The following TSHZ2 variants were observed in gnomAD, a reference collection of about 807,000 sequenced individuals.
TSHZ2 encodes teashirt homolog 2.
In TSHZ2, 21 loss-of-function variants were observed where a neutral mutation model predicts 74.4. That is an observed-to-expected ratio of 0.28 (90% CI 0.20 to 0.41). The LOEUF (loss-of-function observed/expected upper bound fraction) is 0.41, where lower values mean the gene tolerates loss of function less well. Among genes scored for constraint, TSHZ2 ranks in the 10% least tolerant of loss-of-function variants. The probability of loss-of-function intolerance (pLI) is 1.00; values close to 1 mark genes in which losing one functional copy is unlikely to be tolerated. For missense variants in TSHZ2, 1,244 were observed against 1,293.5 expected, an observed-to-expected ratio of 0.96 and a Z score of 0.59; for synonymous variants, 540 against 515.3, an observed-to-expected ratio of 1.05 and a Z score of -0.65.
At chr20:53,269,983 G>A (rs781391331) in intron 2 of TSHZ2, among the ~76,000 whole-genome samples, 1 of 152,054 alleles carries the variant, frequency 6.6e-6, no homozygotes, top group Non-Finnish European at 1.5e-5. Flanking sequence ...GAGGTAGATG[G>A]AGACCCTACC....
At chr20:53,052,412 G>A (rs909478702) in intron 1 of TSHZ2, among the ~76,000 whole-genome samples, 3 of 152,188 alleles carry the variant, frequency 2.0e-5, no homozygotes, top group East Asian at 1.9e-4. Flanking sequence ...TGAACTGTGC[G>A]TGTGAGGGAT....
intron 2 of TSHZ2, among the ~76,000 whole-genome samples, chr20:53,435,531 T>C (rs952875542): frequency 1.3e-5 from 2 of 152,228 alleles, no homozygotes; most frequent in Non-Finnish European, 2.9e-5. Context: ...TTATTTATTT[T>C]GAGACAGAGT....
At chr20:53,086,662 A>G (rs1301455512) in intron 1 of TSHZ2, among the ~76,000 whole-genome samples, 1 of 152,134 alleles carries the variant, frequency 6.6e-6, no homozygotes, top group African/African-American at 2.4e-5. Flanking sequence ...CATCCTAACA[A>G]TTATTTATAG....
intron 2 of TSHZ2, among the ~76,000 whole-genome samples, chr20:53,358,913 C>G (rs952071550): frequency 6.6e-6 from 1 of 151,886 alleles, no homozygotes; most frequent in Non-Finnish European, 1.5e-5. Flanking sequence ...TTTTAAAAAC[C>G]AAAAATCCTT....
intron 1 of TSHZ2, among the ~76,000 whole-genome samples, chr20:53,002,164 C>G (rs1288551446): frequency 1.3e-5 from 2 of 152,020 alleles, no homozygotes; most frequent in African/African-American, 2.4e-5. Flanking sequence ...TAATTCTCAC[C>G]CCAGTAAAGA....
chr20:53,493,361 C>G lies in TSHZ2; in HGVS notation c.*6226C>G, dbSNP rs1326005092. On this transcript the variant is annotated 3_prime_UTR_variant, in exon 3 of 3. Coordinates refer to ENST00000371497, the MANE Select transcript of TSHZ2 (RefSeq NM_173485.6). ...ATTGCTGGATCTAGGGAGGAACCAACTTCCTAATTCAGAGTTTTCCTTTTA... is the reference window on the plus strand; with the variant it reads ...ATTGCTGGATCTAGGGAGGAACCAAGTTCCTAATTCAGAGTTTTCCTTTTA... 1 of 152,234 alleles carries G rather than the reference C, an allele frequency of 6.6e-6. No homozygotes were observed. The highest frequency in any genetic ancestry group is 2.4e-5 in the African/African-American group (1 of 41,460). 9.4% of individuals were successfully genotyped at this position (152,234 alleles called of 1,614,324 possible).
intron 1 of TSHZ2, among the ~76,000 whole-genome samples, chr20:52,990,181 G>A (rs1332067901): frequency 6.6e-6 from 1 of 151,928 alleles, no homozygotes; most frequent in Admixed American, 6.6e-5. Flanking sequence ...TTTACTGGAT[G>A]TAGTAAGAAA....
intron 1 of TSHZ2, among the ~76,000 whole-genome samples, chr20:53,144,421 A>C (rs1987487429): frequency 6.6e-6 from 1 of 152,244 alleles, no homozygotes; most frequent in Admixed American, 6.5e-5. Context: ...GTTACAAGCA[A>C]GATGGAGTCA....
intron 1 of TSHZ2, among the ~76,000 whole-genome samples, chr20:53,192,578 A>G (rs202030609): frequency 6.7e-6 from 1 of 150,358 alleles, no homozygotes; most frequent in Non-Finnish European, 1.5e-5. Flanking sequence ...AAAAAAAAAA[A>G]CCCACAACAA....
At chr20:53,431,648 C>T (rs1390638658) in intron 2 of TSHZ2, among the ~76,000 whole-genome samples, 1 of 152,024 alleles carries the variant, frequency 6.6e-6, no homozygotes, top group East Asian at 1.9e-4. Context: ...TTATTATTCC[C>T]ATTTATAAAA....
rs537272798 is a variant in TSHZ2 at position 53,409,908 on chromosome 20, G to A, written c.*9-77236G>A. The stretch of plus-strand genomic sequence containing the variant: ...GTCGCCCAGACTGGAGTGCAGTGGC[G>A]CTATCTCGGCTCACTGCAAACTCTG... On this transcript the variant is annotated intron_variant, in intron 2 of 2. Coordinates refer to ENST00000371497, the MANE Select transcript of TSHZ2 (RefSeq NM_173485.6). Among the ~76,000 whole-genome samples, 15 of 124,438 alleles carry A rather than the reference G, an allele frequency of 1.2e-4. No homozygotes were observed. In the South Asian group the frequency reaches 2.4e-3, roughly 20 times the overall value. The allele number at this position is 124,438 out of a possible 152,430, so 81.6% of individuals were successfully genotyped here. A position where few individuals can be genotyped will look rare whatever the true frequency, so the allele number is the denominator to read the frequency against.
chr20:53,075,162 A>C (rs535336552), intron 1 of TSHZ2, among the ~76,000 whole-genome samples: 15 of 152,374 alleles, frequency 9.8e-5, no homozygotes, highest in Non-Finnish European at 1.9e-4. Context: ...CTTGGCCTAA[A>C]GGGCCCTGGG....
intron 2 of TSHZ2, among the ~76,000 whole-genome samples, chr20:53,483,674 G>A (rs1986219005): frequency 6.6e-6 from 1 of 152,200 alleles, no homozygotes; most frequent in South Asian, 2.1e-4. Flanking sequence ...GGCAAGTACT[G>A]AGTTAAGTAA....
At chr20:53,011,871 C>T (rs1254028937) in intron 1 of TSHZ2, among the ~76,000 whole-genome samples, 1 of 152,150 alleles carries the variant, frequency 6.6e-6, no homozygotes. Flanking sequence ...CATCTGCCTT[C>T]CCAATAGGGT....
At chr20:53,130,366 G>A (rs535981407) in intron 1 of TSHZ2, among the ~76,000 whole-genome samples, 35 of 152,336 alleles carry the variant, frequency 2.3e-4, no homozygotes, top group African/African-American at 7.9e-4. Context: ...GCTCACACCT[G>A]TAATCCTAGC....
At chr20:53,463,993 T>A (rs1985482766) in intron 2 of TSHZ2, among the ~76,000 whole-genome samples, 1 of 152,230 alleles carries the variant, frequency 6.6e-6, no homozygotes, top group South Asian at 2.1e-4. Context: ...ATCCAGTGCG[T>A]AAGCCTGAGC....
chr20:53,224,283 T>C (rs997373645), intron 1 of TSHZ2, among the ~76,000 whole-genome samples: 47 of 152,186 alleles, frequency 3.1e-4, no homozygotes, highest in African/African-American at 1.1e-3. Context: ...GAAAATAATG[T>C]ATGGAGATGT....
intron 1 of TSHZ2, among the ~76,000 whole-genome samples, chr20:53,020,444 C>T (rs1160730993): frequency 6.6e-6 from 1 of 152,204 alleles, no homozygotes; most frequent in African/African-American, 2.4e-5. Flanking sequence ...TGTATCCTAA[C>T]TCGCATTACA....
chr20:53,096,915 C>T (rs979404968), intron 1 of TSHZ2, among the ~76,000 whole-genome samples: 6 of 148,390 alleles, frequency 4.0e-5, no homozygotes, highest in Non-Finnish European at 7.5e-5. Flanking sequence ...CCAAAAAAAA[C>T]AAAAAACAAA....
Sources: gnomAD v4.1 joint callset for allele counts (sites outside exome capture counted in the v4.1 genomes callset) on GRCh38, gnomAD v4.1.1 for gene constraint, MANE v1.5 for transcripts, NCBI Gene and HGNC (gene_info 2026-07-23, HGNC 2026-07-21) for gene names.